The following FRMD4A variants were observed in gnomAD, a reference collection of about 807,000 sequenced individuals.
The protein encoded by FRMD4A is FERM domain-containing protein 4A.
Under a neutral mutation model 129.1 loss-of-function variants are expected in FRMD4A, and 29 were observed. The observed-to-expected ratio is 0.22, with a 90% CI of 0.17 to 0.31. The LOEUF (loss-of-function observed/expected upper bound fraction) is 0.31, where lower values mean the gene tolerates loss of function less well. FRMD4A is among the 10% of genes least tolerant of loss of function. The pLI is 1.00. For synonymous variants in FRMD4A, 634 were observed against 571.6 expected (o/e 1.11, Z -1.56); for missense variants, 1,272 against 1,375.8 (o/e 0.92, Z 1.19).
chr10:13,803,629 T>C (rs925006553), intron 4 of FRMD4A, among the ~76,000 whole-genome samples: 5 of 129,144 alleles, frequency 3.9e-5, no homozygotes, highest in African/African-American at 1.5e-4. Flanking sequence ...TGAGCTACCA[T>C]ACCCAGCCCC....
chr10:14,249,750 A>T (rs1341631287), intron 2 of FRMD4A, among the ~76,000 whole-genome samples: 1 of 152,248 alleles, frequency 6.6e-6, no homozygotes, highest in Non-Finnish European at 1.5e-5. Context: ...CCGATAAGGG[A>T]TGCATCAACT....
At chr10:14,260,000 T>C (rs1372116314) in intron 2 of FRMD4A, among the ~76,000 whole-genome samples, 5 of 149,308 alleles carry the variant, frequency 3.3e-5, no homozygotes, top group Non-Finnish European at 7.4e-5. Flanking sequence ...GATCTCTGTG[T>C]CATAGATATA....
At chr10:13,841,807 G>A (rs1475000233) in intron 3 of FRMD4A, among the ~76,000 whole-genome samples, 1 of 152,014 alleles carries the variant, frequency 6.6e-6, no homozygotes, top group Non-Finnish European at 1.5e-5. Context: ...ACAAATTATT[G>A]AGCTGGAGGA....
chr10:13,882,501 T>G lies in FRMD4A; in HGVS notation c.46-23589A>C, dbSNP rs141234971. Among the ~76,000 whole-genome samples the G allele has an allele frequency of 1.7e-3, 256 of 152,304 alleles. 1 individual carries two copies. The highest frequency in any genetic ancestry group is 5.9e-3 in the African/African-American group (246 of 41,562). The stretch of plus-strand genomic sequence containing the variant: ...ATCACAAAGGGAAACAGCAAAGCAT[T>G]TGTAAGCTCTGGAATCCTACCCAGT... On this transcript the variant is annotated intron_variant, in intron 2 of 24. Transcript: ENST00000357447.
intron 12 of FRMD4A, among the ~76,000 whole-genome samples, chr10:13,725,280 C>T (rs938451686): frequency 6.6e-6 from 1 of 152,086 alleles, no homozygotes; most frequent in Non-Finnish European, 1.5e-5. Context: ...CAAATAATGG[C>T]AGGGGGCAGG....
chr10:13,994,046 G>A (rs910248797), intron 2 of FRMD4A, among the ~76,000 whole-genome samples: 4 of 142,696 alleles, frequency 2.8e-5, no homozygotes, highest in Non-Finnish European at 6.0e-5. Context: ...GCCTTGCTTC[G>A]TTGCCCAGGC....
At chr10:14,162,641 GTTTTTTTTT>G (rs71388160) in intron 2 of FRMD4A, among the ~76,000 whole-genome samples, 1 of 118,398 alleles carries the variant, frequency 8.4e-6, no homozygotes, top group African/African-American at 3.5e-5. Context: ...TTTTTTTTTT[GTTTTTTTTT>G]TTTTTTTTTG....
intron 2 of FRMD4A, among the ~76,000 whole-genome samples, chr10:13,968,835 A>C (rs1482399952): frequency 8.9e-6 from 1 of 112,076 alleles, no homozygotes; most frequent in Non-Finnish European, 2.0e-5. Flanking sequence ...GGAGTGACTA[A>C]CAGATTTTTT....
At chr10:13,774,734 G>A (rs11258591) in intron 6 of FRMD4A, among the ~76,000 whole-genome samples, 31,303 of 152,066 alleles carry the variant, frequency 0.21, 3,701 homozygotes, top group Middle Eastern at 0.32. Flanking sequence ...TTCTAAGTGT[G>A]AAGCAACAGA....
intron 2 of FRMD4A, among the ~76,000 whole-genome samples, chr10:13,943,834 G>A (rs1454119227): frequency 6.6e-6 from 1 of 152,096 alleles, no homozygotes; most frequent in African/African-American, 2.4e-5. Context: ...TATGGAAATA[G>A]GTTGGTGTGG....
intron 8 of FRMD4A, among the ~76,000 whole-genome samples, chr10:13,750,601 C>T (rs1286341177): frequency 6.6e-6 from 1 of 152,104 alleles, no homozygotes. Context: ...TCACTCTTCT[C>T]CTGAGGGGAA....
At chr10:13,965,868 T>C (rs1034369670) in intron 2 of FRMD4A, among the ~76,000 whole-genome samples, 1 of 152,180 alleles carries the variant, frequency 6.6e-6, no homozygotes, top group South Asian at 2.1e-4. Flanking sequence ...GCAACCAAAA[T>C]AGGTAGGAAG....
chr10:13,924,936 C>A (rs2178286), intron 2 of FRMD4A, among the ~76,000 whole-genome samples: 59,410 of 151,170 alleles, frequency 0.39, 12,309 homozygotes, highest in Non-Finnish European at 0.44. Flanking sequence ...TGGTGGCGGG[C>A]GCCTGTAATC....
intron 3 of FRMD4A, among the ~76,000 whole-genome samples, chr10:13,852,333 T>C (rs1225645794): frequency 1.3e-5 from 2 of 151,948 alleles, no homozygotes; most frequent in African/African-American, 4.8e-5. Context: ...AACTTCCACC[T>C]CCCAGGTTCA....
intron 2 of FRMD4A, among the ~76,000 whole-genome samples, chr10:14,043,615 C>G (rs576871687): frequency 1.3e-5 from 2 of 152,220 alleles, no homozygotes; most frequent in Non-Finnish European, 2.9e-5. Flanking sequence ...TGATTTCTCA[C>G]TCCCCAGCAC....
At chr10:13,892,646 A>G (rs2094714401) in intron 2 of FRMD4A, among the ~76,000 whole-genome samples, 1 of 152,222 alleles carries the variant, frequency 6.6e-6, no homozygotes, top group Non-Finnish European at 1.5e-5. Flanking sequence ...AAGAGCCTCC[A>G]CTTAGCAAAA....
chr10:14,067,467 A>G (rs1835116103), intron 2 of FRMD4A, among the ~76,000 whole-genome samples: 1 of 152,196 alleles, frequency 6.6e-6, no homozygotes, highest in Admixed American at 6.5e-5. Context: ...TATTTATGAC[A>G]GCAGAACTAG....
chr10:13,835,068 G>C (rs1191701315), intron 3 of FRMD4A, among the ~76,000 whole-genome samples: 2 of 152,204 alleles, frequency 1.3e-5, no homozygotes. Flanking sequence ...AGGATGCATA[G>C]AAAGAAATAT....
intron 2 of FRMD4A, among the ~76,000 whole-genome samples, chr10:14,320,859 G>A (rs1564463535): frequency 6.6e-6 from 1 of 152,144 alleles, no homozygotes; most frequent in Admixed American, 6.5e-5. Context: ...CGGGGCCATG[G>A]CCCAGGTTGG....
Sources: allele counts gnomAD v4.1 joint callset (sites outside exome capture counted in the v4.1 genomes callset), GRCh38; gene constraint gnomAD v4.1.1; transcripts MANE v1.5; gene names NCBI Gene and HGNC (gene_info 2026-07-23, HGNC 2026-07-21).